PRR36: variants seen among roughly 807,000 people sequenced by gnomAD.
PRR36 encodes proline-rich protein 36.
Under a neutral mutation model 58.6 loss-of-function variants are expected in PRR36, and 30 were observed. The ratio of observed to expected loss-of-function variants is 0.51; its 90% CI spans 0.38 to 0.69. The LOEUF (loss-of-function observed/expected upper bound fraction) is 0.69. Ranked by LOEUF, PRR36 falls within the 30% of genes least tolerant of loss-of-function variation. PRR36 has a pLI of 0.00. For synonymous variants in PRR36, 771 were observed against 829.3 expected, an observed-to-expected ratio of 0.93 and a Z score of 1.21; for missense variants, 1,692 against 1,805.6, an observed-to-expected ratio of 0.94 and a Z score of 1.14.
chr19:7,870,460 G>T lies in PRR36; in HGVS notation c.2784C>A (p.Val928=), dbSNP rs149401136. ...GGGGAGAGGCAGGGGGAGAGGGTGG[G>T]ACCTGCAGAGGAGGTGCGGCTAGAG... is the stretch of plus-strand genomic sequence containing the variant. ...PPSLAAPPLQ[V]PPSPPASPPM... The change falls in exon 5 of 6, where the codon GTC becomes GTA. Residue 928 remains valine, a synonymous_variant. Transcript: ENST00000618550. 2.1e-4 allele frequency: 209 copies of T among 994,374 alleles called. 1 individual carries two copies. In the African/African-American group the frequency reaches 4.8e-3, roughly 23 times the overall value. 61.6% of individuals were successfully genotyped at this position (994,374 alleles called of 1,614,324 possible). A position where few individuals can be genotyped will look rare whatever the true frequency, so the allele number is the denominator to read the frequency against.
At chr19:7,869,603 G>A in intron 5 of PRR36, 59 bp from the exon 6 acceptor site, 1 of 1,487,054 alleles carries the variant, frequency 6.7e-7, no homozygotes, top group Admixed American at 2.2e-5. Context: ...CTGCCTCAAG[G>A]TCCCGCCTCC....
In PRR36 at chr19:7,870,291, C is replaced by G. The variant is rs73500088; in HGVS notation, c.2953G>C (p.Ala985Pro). 0.098 allele frequency: 105,844 copies of G among 1,085,036 alleles called. 6,383 individuals are homozygous for G. Among genetic ancestry groups the G allele is most frequent in the African/African-American group, 0.29 (11,235 of 38,738 alleles). 67.2% of individuals were successfully genotyped at this position (1,085,036 alleles called of 1,614,324 possible). ...GAGGGCGGGACCTGCAGAGGAGGAGCGGCAAGAAGGGGTGGGACCCGTGGA... is the reference window on the plus strand; with the variant it reads ...GAGGGCGGGACCTGCAGAGGAGGAGGGGCAAGAAGGGGTGGGACCCGTGGA... ...PPPRVPPLLA[A>P]PPLQVPPSPP... The change falls in exon 5 of 6, where the codon GCT becomes CCT. Residue 985 changes from alanine (A) to proline (P), a missense_variant. Around this residue, in one of 5 missense-constraint regions of PRR36, gnomAD observed 485 missense variants for 549.2 expected, o/e 0.88. Transcript: ENST00000618550.
rs559517732 is a variant in PRR36 at position 7,872,399 on chromosome 19, G to T, written c.845C>A (p.Pro282His). Residue 282 changes from proline to histidine, a missense_variant, in exon 5 of 6, where the codon CCC becomes CAC. Physicochemically the swap from Pro to His is moderately conservative, Grantham distance 77. Coordinates refer to ENST00000618550, the MANE Select transcript of PRR36 (RefSeq NM_001190467.2). This position sits in a 1 kb window ranked among gnomAD's most constrained non-coding sequence, Gnocchi z 6.1. ...CTTCCTTGGGGGTGTGACCTGAGGG[G>T]GTCGCAGAGCCTGCAGTCCTTTCGG... is the stretch of plus-strand genomic sequence containing the variant. ...PKPKGLQALR[P>H]PQVTPPRKDA... is the part of the protein sequence containing the mutation. 21 of 1,449,516 alleles carry T rather than the reference G, an allele frequency of 1.4e-5. No homozygotes were observed. The highest frequency in any genetic ancestry group is 1.9e-5 in the Non-Finnish European group (21 of 1,107,088). The allele number at this position is 1,449,516 out of a possible 1,614,324, so 89.8% of individuals were successfully genotyped here.
chr19:7,871,680 C>G lies in PRR36; in HGVS notation c.1564G>C (p.Asp522His), dbSNP rs1391067668. 6.5e-7 allele frequency: 1 copy of G among 1,535,204 alleles called. No individual in the cohort carries two copies. Among genetic ancestry groups the G allele is most frequent in the Non-Finnish European group, 8.7e-7 (1 of 1,146,664 alleles). Reference sequence around the variant, plus strand: ...GGCAATGTGGCCAGAAGAGGAGAGTCCTGCAGAGGAAGAGTGGCCAGAGTG... The same window carrying G: ...GGCAATGTGGCCAGAAGAGGAGAGTGCTGCAGAGGAAGAGTGGCCAGAGTG... ...PHTLATLPLQDSPLLATLPLQ... is the reference protein window; with the variant it reads ...PHTLATLPLQHSPLLATLPLQ... The change falls in exon 5 of 6, where the codon GAC (aspartate) becomes CAC (histidine). Residue 522 changes from aspartate to histidine, a missense_variant. Asp to His is a moderately conservative substitution (Grantham distance 81). Coordinates refer to ENST00000618550, the MANE Select transcript of PRR36 (RefSeq NM_001190467.2).
Position 7,873,600 on chromosome 19 carries a change from T to C in PRR36, c.90A>G (p.Pro30=). ...RAPGLLTPRP[P]GSPRPPPPVT... is the part of the protein sequence containing the mutation. ...CTGGGGGAGGGGGTCGAGGAGAGCCTGGGGGCCTGGGGGTCAGAAGTCCAG... is the reference window on the plus strand; with the variant it reads ...CTGGGGGAGGGGGTCGAGGAGAGCCCGGGGGCCTGGGGGTCAGAAGTCCAG... The change falls in exon 2 of 6, where the codon CCA becomes CCG. Residue 30 remains proline (P), a synonymous_variant. Coordinates refer to ENST00000618550, the MANE Select transcript of PRR36 (RefSeq NM_001190467.2). This position sits in a 1 kb window ranked among gnomAD's most constrained non-coding sequence, Gnocchi z 5.0. 1 of 1,534,736 alleles carries C rather than the reference T, an allele frequency of 6.5e-7. No homozygotes were observed. The highest frequency in any genetic ancestry group is 8.7e-7 in the Non-Finnish European group (1 of 1,146,566).
Position 7,870,624 on chromosome 19 carries a change from C to A in PRR36, c.2620G>T (p.Ala874Ser). ...AGGTGCACTGCCAGAGCATTTGGGGCCTGTGGAGAGGGTGTGGCCAAAGGA... is the reference window on the plus strand; with the variant it reads ...AGGTGCACTGCCAGAGCATTTGGGGACTGTGGAGAGGGTGTGGCCAAAGGA... ...LSPLATPSPQ[A>S]PNALAVHLLQ... The change falls in exon 5 of 6, where the codon GCC becomes TCC. Residue 874 changes from alanine (A) to serine (S), a missense_variant. Around this residue, in one of 5 missense-constraint regions of PRR36, gnomAD observed 171 missense variants for 146.2 expected, o/e 1.17. Coordinates refer to ENST00000618550, the MANE Select transcript of PRR36 (RefSeq NM_001190467.2). The A allele has an allele frequency of 1.5e-6, 2 of 1,309,800 alleles. No homozygotes were observed. The highest frequency in any genetic ancestry group is 9.6e-7 in the Non-Finnish European group (1 of 1,037,180). 81.1% of individuals were successfully genotyped at this position (1,309,800 alleles called of 1,614,324 possible).
At position 7,873,241 on chromosome 19, in the gene PRR36, G is replaced by A. The variant is rs1168173657; in HGVS notation, c.330C>T (p.Ser110=). The A allele has an allele frequency of 3.3e-6, 5 of 1,535,942 alleles. No individual in the cohort carries two copies. In the African/African-American group the frequency reaches 6.8e-5, roughly 21 times the overall value. The change falls in exon 3 of 6, where the codon AGC becomes AGT. Residue 110 remains serine, a synonymous_variant. Transcript: ENST00000618550. The surrounding 1 kb of genome is among the most constrained non-coding windows in gnomAD (Gnocchi z 5.0). ...GCCCTGGGCTAGAAACAGGGCCTGG[G>A]CTGGTGTTCTTGGCAGGAGGAGCTC... is the stretch of plus-strand genomic sequence containing the variant. The part of the protein sequence containing the change: ...GERAPPAKNT[S]PGPVSSPGRA...
chr19:7,870,959 GA>G lies in PRR36; in HGVS notation c.2284del (p.Ser762LeufsTer2). On this transcript the variant is annotated frameshift_variant, in exon 5 of 6. Coordinates refer to ENST00000618550, the MANE Select transcript of PRR36 (RefSeq NM_001190467.2). LOFTEE classifies it high-confidence loss of function. ...TGTCTGCAGAGGAGGCGGGGCTAGA[GA>G]AGGTAGGTTCTCCAGAGGGGGTGTG... The part of the protein sequence containing the change: ...LTTPPLENLP[S>X]LAPPPLQTAS... 1.0e-5 allele frequency: 11 copies of G among 1,089,846 alleles called. 2 individuals are homozygous for G. The highest frequency in any genetic ancestry group is 8.8e-6 in the Non-Finnish European group (8 of 905,254). 67.5% of individuals were successfully genotyped at this position (1,089,846 alleles called of 1,614,324 possible). A position where few individuals can be genotyped will look rare whatever the true frequency, so the allele number is the denominator to read the frequency against.
In PRR36 at chr19:7,873,099, G is replaced by T; in HGVS notation, c.374+98C>A. 7.4e-7 allele frequency: 1 copy of T among 1,355,390 alleles called. No individual in the cohort carries two copies. Among genetic ancestry groups the T allele is most frequent in the Non-Finnish European group, 1.0e-6 (1 of 986,024 alleles). 84.0% of individuals were successfully genotyped at this position (1,355,390 alleles called of 1,614,324 possible). ...TCACCCAATTTGTGCCCAGTGACCT[G>T]CAAGTGCTCCCGCGCCCCAACTCGT... On this transcript the variant is annotated intron_variant, in intron 3 of 5. Coordinates refer to ENST00000618550, the MANE Select transcript of PRR36 (RefSeq NM_001190467.2). The surrounding 1 kb of genome is among the most constrained non-coding windows in gnomAD (Gnocchi z 5.0).
Position 7,871,062 on chromosome 19 carries a change from A to G in PRR36, c.2182T>C (p.Ser728Pro), listed in dbSNP as rs180892940. The G allele has an allele frequency of 1.1e-5, 17 of 1,504,712 alleles. No homozygotes were observed. The highest frequency in any genetic ancestry group is 2.5e-5 in the South Asian group (2 of 80,184). The allele number at this position is 1,504,712 out of a possible 1,614,324, so 93.2% of individuals were successfully genotyped here. A position where few individuals can be genotyped will look rare whatever the true frequency, so the allele number is the denominator to read the frequency against. Reference protein sequence around the residue: ...APPSLQTPPASLTTPPLENLP... With the variant: ...APPSLQTPPAPLTTPPLENLP... ...TTCTCCAGAGGGGGTGTGGTCAGGGAAGCAGGAGGTGTCTGCAGAGAGGGT... is the reference window on the plus strand; with the variant it reads ...TTCTCCAGAGGGGGTGTGGTCAGGGGAGCAGGAGGTGTCTGCAGAGAGGGT... The change falls in exon 5 of 6, where the codon TCC (serine) becomes CCC (proline). Residue 728 changes from serine to proline, a missense_variant. By Grantham distance (74) the Ser-to-Pro change is moderately conservative. Coordinates refer to ENST00000618550, the MANE Select transcript of PRR36 (RefSeq NM_001190467.2).
chr19:7,868,906 G>C lies in PRR36; in HGVS notation c.*127C>G. 8.8e-7 allele frequency: 1 copy of C among 1,136,654 alleles called. No individual in the cohort carries two copies. The highest frequency in any genetic ancestry group is 1.2e-6 in the Non-Finnish European group (1 of 839,396). The allele number at this position is 1,136,654 out of a possible 1,614,324, so 70.4% of individuals were successfully genotyped here. A position where few individuals can be genotyped will look rare whatever the true frequency, so the allele number is the denominator to read the frequency against. The stretch of plus-strand genomic sequence containing the variant: ...CCGAGGCCAAAGGCTCAGGCTCTAG[G>C]GAGCTAAGACTAATCCACCCAGCGG... On this transcript the variant is annotated 3_prime_UTR_variant, in exon 6 of 6. Transcript: ENST00000618550.
Position 7,873,801 on chromosome 19 carries a change from G to A in PRR36, c.-7-105C>T. 3 of 1,176,380 alleles carry A rather than the reference G, an allele frequency of 2.6e-6. No homozygotes were observed. Among genetic ancestry groups the A allele is most frequent in the Non-Finnish European group, 3.5e-6 (3 of 856,612 alleles). 72.9% of individuals were successfully genotyped at this position (1,176,380 alleles called of 1,614,324 possible). A position where few individuals can be genotyped will look rare whatever the true frequency, so the allele number is the denominator to read the frequency against. On this transcript the variant is annotated intron_variant, in intron 1 of 5. Coordinates refer to ENST00000618550, the MANE Select transcript of PRR36 (RefSeq NM_001190467.2). This position sits in a 1 kb window ranked among gnomAD's most constrained non-coding sequence, Gnocchi z 5.0. ...GCCCTTTCGCAGCATCGCCACCCATGGACACTCAAACCTCGGCCTCGGCTT... is the reference window on the plus strand; with the variant it reads ...GCCCTTTCGCAGCATCGCCACCCATAGACACTCAAACCTCGGCCTCGGCTT...
Position 7,868,798 on chromosome 19 carries a change from G to C in PRR36, c.*235C>G, listed in dbSNP as rs1980220476. 1 of 480,848 alleles carries C rather than the reference G, an allele frequency of 2.1e-6. No homozygotes were observed. The highest frequency in any genetic ancestry group is 3.6e-5 in the South Asian group (1 of 28,084). The allele number at this position is 480,848 out of a possible 1,614,324, so 29.8% of individuals were successfully genotyped here. ...ATACACTGCACACGGGGCGGGACTC[G>C]GGGAAACGGGGCGTGTCCTAGGCCA... is the stretch of plus-strand genomic sequence containing the variant. On this transcript the variant is annotated 3_prime_UTR_variant, in exon 6 of 6. Transcript: ENST00000618550.
chr19:7,872,515 G>A lies in PRR36; in HGVS notation c.729C>T (p.Ser243=). ...GLQRPASRSL[S]SSATPLSSPA... Reference sequence around the variant, plus strand: ...GGGAGGAGAGAGGGGTGGCGCTGGAGCTCAGGGAGCGCGAGGCCGGCCTCT... The same window carrying A: ...GGGAGGAGAGAGGGGTGGCGCTGGAACTCAGGGAGCGCGAGGCCGGCCTCT... The change falls in exon 5 of 6, where the codon AGC becomes AGT. Residue 243 remains serine, a synonymous_variant. Coordinates refer to ENST00000618550, the MANE Select transcript of PRR36 (RefSeq NM_001190467.2). This position sits in a 1 kb window ranked among gnomAD's most constrained non-coding sequence, Gnocchi z 6.1. 1 of 1,504,192 alleles carries A rather than the reference G, an allele frequency of 6.6e-7. No individual in the cohort carries two copies. Among genetic ancestry groups the A allele is most frequent in the South Asian group, 1.3e-5 (1 of 78,934 alleles). 93.2% of individuals were successfully genotyped at this position (1,504,192 alleles called of 1,614,324 possible).
intron 5 of PRR36, 27 bp from the exon 6 acceptor site, chr19:7,869,571 G>A: frequency 2.6e-6 from 4 of 1,512,740 alleles, no homozygotes; most frequent in African/African-American, 1.4e-5. Context: ...CAGGTGGGCC[G>A]TGGGGGTGAT....
At position 7,873,258 on chromosome 19, in the gene PRR36, G is replaced by A; in HGVS notation, c.313C>T (p.Pro105Ser). 1 of 1,536,006 alleles carries A rather than the reference G, an allele frequency of 6.5e-7. No homozygotes were observed. The highest frequency in any genetic ancestry group is 8.7e-7 in the Non-Finnish European group (1 of 1,146,844). The change falls in exon 3 of 6, where the codon CCT becomes TCT. Residue 105 changes from proline to serine, a missense_variant. By Grantham distance (74) the Pro-to-Ser change is moderately conservative. Transcript: ENST00000618550. This position sits in a 1 kb window ranked among gnomAD's most constrained non-coding sequence, Gnocchi z 5.0. Reference protein sequence around the residue: ...PASGRGERAPPAKNTSPGPVS... With the variant: ...PASGRGERAPSAKNTSPGPVS... ...GGGCCTGGGCTGGTGTTCTTGGCAG[G>A]AGGAGCTCTCTCCCCTCTCCCAGAG...
rs1263558889 is a variant in PRR36 at position 7,873,934 on chromosome 19, C to A, written c.-7-238G>T. Among the ~76,000 whole-genome samples, 1 of 151,128 alleles carries A rather than the reference C, an allele frequency of 6.6e-6. No individual in the cohort carries two copies. The highest frequency in any genetic ancestry group is 2.1e-4 in the South Asian group (1 of 4,734). Reference sequence around the variant, plus strand: ...TTTTCCCTAAAGCGAAGAGGCCCTGCCCGCCCCAGCCCACCGCCTCCCCCG... The same window carrying A: ...TTTTCCCTAAAGCGAAGAGGCCCTGACCGCCCCAGCCCACCGCCTCCCCCG... On this transcript the variant is annotated intron_variant, in intron 1 of 5. Coordinates refer to ENST00000618550, the MANE Select transcript of PRR36 (RefSeq NM_001190467.2). The surrounding 1 kb of genome is among the most constrained non-coding windows in gnomAD (Gnocchi z 5.0).
rs1980436223 is a variant in PRR36, at chr19:7,871,373, G to A, written c.1871C>T (p.Ala624Val). 1 of 1,535,648 alleles carries A rather than the reference G, an allele frequency of 6.5e-7. No individual in the cohort carries two copies. Among genetic ancestry groups the A allele is most frequent in the South Asian group, 1.2e-5 (1 of 84,044 alleles). Residue 624 changes from alanine (A) to valine (V), a missense_variant, in exon 5 of 6, where the codon GCC becomes GTC. Coordinates refer to ENST00000618550, the MANE Select transcript of PRR36 (RefSeq NM_001190467.2). ...GGACATTGTCAGGAAAGAATGTGTGGCCTGCAGAGTGGGTGAGCCCAAAGA... is the reference window on the plus strand; with the variant it reads ...GGACATTGTCAGGAAAGAATGTGTGACCTGCAGAGTGGGTGAGCCCAAAGA... ...TTSLGSPTLQ[A>V]THSFLTMSPR...
chr19:7,874,306 C>T lies in PRR36; in HGVS notation c.-28G>A, dbSNP rs1184524782. The T allele has an allele frequency of 1.3e-5, 2 of 152,030 alleles. No homozygotes were observed. The highest frequency in any genetic ancestry group is 2.9e-5 in the Non-Finnish European group (2 of 68,028). 9.4% of individuals were successfully genotyped at this position (152,030 alleles called of 1,614,324 possible). A position where few individuals can be genotyped will look rare whatever the true frequency, so the allele number is the denominator to read the frequency against. ...CTCACCTCCGCCTCCGGCCTCCGGCCGCTCCTCACAGAGTCGCCTGGGGTG... is the reference window on the plus strand; with the variant it reads ...CTCACCTCCGCCTCCGGCCTCCGGCTGCTCCTCACAGAGTCGCCTGGGGTG... On this transcript the variant is annotated 5_prime_UTR_variant, in exon 1 of 6. Coordinates refer to ENST00000618550, the MANE Select transcript of PRR36 (RefSeq NM_001190467.2). The surrounding 1 kb of genome is among the most constrained non-coding windows in gnomAD (Gnocchi z 6.0).
Sources: allele counts gnomAD v4.1 joint callset (sites outside exome capture counted in the v4.1 genomes callset), GRCh38; gene constraint gnomAD v4.1.1; regional missense constraint gnomAD v4.1.1; non-coding constraint Gnocchi (gnomAD v3.1); transcripts MANE v1.5; gene names NCBI Gene and HGNC (gene_info 2026-07-23, HGNC 2026-07-21).